NODAL: variants seen among roughly 807,000 people sequenced by gnomAD.
The protein encoded by NODAL is nodal homolog.
Under a neutral mutation model 34.0 loss-of-function variants are expected in NODAL, and 12 were observed. The observed-to-expected ratio is 0.35, with a 90% CI of 0.23 to 0.57. The LOEUF is 0.57. Among genes scored for constraint, NODAL ranks in the 20% least tolerant of loss-of-function variants. The pLI, the probability that NODAL is intolerant of heterozygous loss-of-function variation, is 0.83. For synonymous variants in NODAL, 162 were observed against 186.4 expected, an observed-to-expected ratio of 0.87 and a Z score of 1.07; for missense variants, 390 against 444.2, an observed-to-expected ratio of 0.88 and a Z score of 1.10.
At chr10:70,436,059 A>C in intron 1 of NODAL, 76 bp from the exon 2 acceptor site, 1 of 1,247,606 alleles carries the variant, frequency 8.0e-7, no homozygotes, top group South Asian at 1.2e-5. Flanking sequence ...CACAACCACC[A>C]TAGCTCTTGC....
chr10:70,446,791 T>A (rs1412808830), intron 1 of NODAL, among the ~76,000 whole-genome samples: 2 of 152,158 alleles, frequency 1.3e-5, no homozygotes, highest in African/African-American at 2.4e-5. Flanking sequence ...ATAAGCTTTG[T>A]GAGGGTGGAG....
At chr10:70,437,315 G>A (rs1402795212) in intron 1 of NODAL, among the ~76,000 whole-genome samples, 1 of 152,188 alleles carries the variant, frequency 6.6e-6, no homozygotes, top group African/African-American at 2.4e-5. Context: ...GGTGGCTCAC[G>A]CCTAATCCCA....
In NODAL at chr10:70,435,953, A is replaced by G; in HGVS notation, c.224T>C (p.Phe75Ser). The change falls in exon 2 of 3, where the codon TTT becomes TCT. Residue 75 changes from phenylalanine (F) to serine (S), a missense_variant. Transcript: ENST00000287139. ...DVAVDGQNWTFAFDFSFLSQQ... is the reference protein window; with the variant it reads ...DVAVDGQNWTSAFDFSFLSQQ... ...GCTCAGGAAGGAGAAGTCAAAAGCA[A>G]ACGTCCAGTTCTGCCCATCCACTGC... The G allele has an allele frequency of 1.2e-6, 2 of 1,613,914 alleles. No individual in the cohort carries two copies. Among genetic ancestry groups the G allele is most frequent in the East Asian group, 2.2e-5 (1 of 44,864 alleles).
At chr10:70,443,933 C>CCTTTTTTTTTTTTTTTTTTTTT (rs1554850806), upstream of NODAL, among the ~76,000 whole-genome samples, 1 of 143,854 alleles carries the variant, frequency 7.0e-6, no homozygotes. Context: ...GTTGACTCCC[C>CCTTTTTTTTTTTTTTTTTTTTT]TTTTTTTTTT....
chr10:70,435,261 C>T lies in NODAL; in HGVS notation c.891+25G>A, dbSNP rs773281767. On this transcript the variant is annotated intron_variant, in intron 2 of 2. Transcript: ENST00000287139. The stretch of plus-strand genomic sequence containing the variant: ...CCCCAAGGCCAGCTTACTGCCTCCC[C>T]TCCCCCTCACGCCTGGCATCCCACC... The T allele has an allele frequency of 3.2e-6, 5 of 1,581,704 alleles. No individual in the cohort carries two copies. The African/African-American group carries it at 5.4e-5, about 17-fold the overall frequency.
intron 2 of NODAL, 177 bp downstream of exon 2, chr10:70,435,109 T>C: frequency 1.6e-6 from 1 of 632,028 alleles, no homozygotes; most frequent in Non-Finnish European, 2.8e-6. Context: ...ACAGGCTCTA[T>C]AAGGATGTTA....
At chr10:70,443,933 CTT>C (rs560719151), upstream of NODAL, among the ~76,000 whole-genome samples, 21 of 143,806 alleles carry the variant, frequency 1.5e-4, 1 homozygote, top group Non-Finnish European at 1.1e-4. Flanking sequence ...GTTGACTCCC[CTT>C]TTTTTTTTTT....
intron 1 of NODAL, 193 bp from the exon 2 acceptor site, chr10:70,436,176 G>T: frequency 1.6e-6 from 1 of 630,176 alleles, no homozygotes; most frequent in South Asian, 1.8e-5. Flanking sequence ...GAGGCTCAGT[G>T]TGGTTAAAAG....
chr10:70,444,568 C>T (rs148889567), upstream of NODAL, among the ~76,000 whole-genome samples: 15 of 152,148 alleles, frequency 9.9e-5, no homozygotes, highest in Admixed American at 3.9e-4. Context: ...CTCCTGACCT[C>T]GAGTGATCTG....
At chr10:70,434,131 T>C (rs558983709) in intron 2 of NODAL, among the ~76,000 whole-genome samples, 1 of 152,300 alleles carries the variant, frequency 6.6e-6, no homozygotes, top group African/African-American at 2.4e-5. Context: ...ATATTGCAAG[T>C]CCAAGAAATT....
At chr10:70,433,514 A>C (rs1042029576) in intron 2 of NODAL, among the ~76,000 whole-genome samples, 2 of 152,164 alleles carry the variant, frequency 1.3e-5, no homozygotes, top group African/African-American at 4.8e-5. Flanking sequence ...TCCTGGGCTC[A>C]GGTGATCCTC....
intron 1 of NODAL, 59 bp from the exon 2 acceptor site, chr10:70,436,042 T>G (rs1845349509): frequency 7.0e-7 from 1 of 1,427,870 alleles, no homozygotes; most frequent in African/African-American, 1.4e-5. Context: ...CCAGCCTCAG[T>G]CAGTGTCACA....
intron 2 of NODAL, 123 bp downstream of exon 2, chr10:70,435,162 TG>T: frequency 1.2e-6 from 1 of 842,350 alleles, no homozygotes; most frequent in Non-Finnish European, 1.9e-6. Flanking sequence ...CACAGGATCC[TG>T]GTACATTGGA....
Position 70,432,633 on chromosome 10 carries a change from A to G in NODAL, c.*303T>C. The G allele has an allele frequency of 4.7e-6, 2 of 425,710 alleles. No homozygotes were observed. Among genetic ancestry groups the G allele is most frequent in the South Asian group, 4.4e-5 (2 of 45,882 alleles). The allele number at this position is 425,710 out of a possible 1,614,324, so 26.4% of individuals were successfully genotyped here. On this transcript the variant is annotated 3_prime_UTR_variant, in exon 3 of 3. Transcript: ENST00000287139. ...CGGGGGGTTCACAGGTTTTTAAAAA[A>G]TCCAGTAAAGAACTCATGCACTTGT... is the stretch of plus-strand genomic sequence containing the variant.
chr10:70,433,846 G>A (rs1845303892), intron 2 of NODAL, among the ~76,000 whole-genome samples: 1 of 152,210 alleles, frequency 6.6e-6, no homozygotes, highest in Non-Finnish European at 1.5e-5. Flanking sequence ...AGAGTCAATA[G>A]GAGGAAAGGA....
upstream of NODAL, among the ~76,000 whole-genome samples, chr10:70,443,897 C>T (rs1344830488): frequency 6.6e-6 from 1 of 150,636 alleles, no homozygotes; most frequent in Non-Finnish European, 1.5e-5. Context: ...CCTGAAGATA[C>T]GCATCACCTT....
At position 70,435,361 on chromosome 10, in the gene NODAL, G is replaced by C; in HGVS notation, c.816C>G (p.Asn272Lys). The C allele has an allele frequency of 1.2e-6, 2 of 1,614,152 alleles. No individual in the cohort carries two copies. Among genetic ancestry groups the C allele is most frequent in the Non-Finnish European group, 1.7e-6 (2 of 1,180,026 alleles). ...GACACTCGCCCTCACAGCGATAGGC[G>C]TTGTACTGCTTGGGGTAGATGATCC... The part of the protein sequence containing the change: ...GSWIIYPKQY[N>K]AYRCEGECPN... Residue 272 changes from asparagine to lysine, a missense_variant, in exon 2 of 3, where the codon AAC becomes AAG. Physicochemically the swap from Asn to Lys is moderately conservative, Grantham distance 94. Transcript: ENST00000287139.
At chr10:70,447,003 C>T (rs1345219356) in intron 1 of NODAL, among the ~76,000 whole-genome samples, 4 of 152,064 alleles carry the variant, frequency 2.6e-5, no homozygotes, top group Non-Finnish European at 1.5e-5. Flanking sequence ...TATCAAGACA[C>T]AGTTTAAAAG....
intron 1 of NODAL, 116 bp downstream of exon 1, chr10:70,441,359 C>G: frequency 8.1e-7 from 1 of 1,233,850 alleles, no homozygotes; most frequent in African/African-American, 1.5e-5. Flanking sequence ...CGGGCGGCTG[C>G]AAACCCGGCT....
Sources: allele counts gnomAD v4.1 joint callset (sites outside exome capture counted in the v4.1 genomes callset), GRCh38; gene constraint gnomAD v4.1.1; transcripts MANE v1.5; gene names NCBI Gene and HGNC (gene_info 2026-07-23, HGNC 2026-07-21).